The following CAT variants were observed in gnomAD, a reference collection of about 807,000 sequenced individuals.
The protein encoded by CAT is epididymis secretory sperm binding protein.
CAT carries 43 observed loss-of-function variants against 59.0 expected under a neutral mutation model. The ratio of observed to expected loss-of-function variants is 0.73; its 90% CI spans 0.57 to 0.94. The LOEUF (loss-of-function observed/expected upper bound fraction) is 0.94. Ranked by LOEUF, CAT falls within the 40% of genes least tolerant of loss-of-function variation. CAT has a pLI of 0.00. For missense variants in CAT, 664 were observed against 682.9 expected (o/e 0.97, Z 0.31); for synonymous variants, 218 against 230.9 (o/e 0.94, Z 0.51).
chr11:34,443,221 C>T (rs1325369380), intron 1 of CAT, among the ~76,000 whole-genome samples: 6 of 152,114 alleles, frequency 3.9e-5, no homozygotes, highest in East Asian at 1.9e-4. Context: ...CTACTATAGG[C>T]GAACACTCTG....
intron 10 of CAT, among the ~76,000 whole-genome samples, chr11:34,466,780 CAA>C (rs71457350): frequency 9.7e-5 from 4 of 41,146 alleles, no homozygotes; most frequent in African/African-American, 2.9e-4. Flanking sequence ...GACTCCGTCT[CAA>C]AAAAAAAAAA....
chr11:34,439,554 C>T (rs1856361442), intron 1 of CAT, among the ~76,000 whole-genome samples: 1 of 152,198 alleles, frequency 6.6e-6, no homozygotes, highest in South Asian at 2.1e-4. Flanking sequence ...GCACCAGTCA[C>T]AGTGACTGGT....
chr11:34,439,114 C>T, intron 1 of CAT, 35 bp downstream of exon 1: 1 of 1,555,234 alleles, frequency 6.4e-7, no homozygotes, highest in Non-Finnish European at 8.7e-7. Context: ...GCCCGAAGGT[C>T]CGTTTAGAAA....
rs777082279 is a variant in CAT at position 34,449,373 on chromosome 11, G to T, written c.238+10G>T. On this transcript the variant is annotated intron_variant, in intron 2 of 12. Transcript: ENST00000241052. Reference sequence around the variant, plus strand: ...CATGCTAAAGGAGCAGGTAAGTGCTGTGTTTATTTGCTGTAAAAAGATTGT... The same window carrying T: ...CATGCTAAAGGAGCAGGTAAGTGCTTTGTTTATTTGCTGTAAAAAGATTGT... 1.9e-6 allele frequency: 3 copies of T among 1,612,296 alleles called. No homozygotes were observed. Among genetic ancestry groups the T allele is most frequent in the African/African-American group, 1.3e-5 (1 of 74,882 alleles).
intron 9 of CAT, among the ~76,000 whole-genome samples, chr11:34,462,273 T>C (rs929828504): frequency 2.0e-5 from 3 of 152,158 alleles, no homozygotes; most frequent in Non-Finnish European, 4.4e-5. Context: ...CACAGATGTC[T>C]ATATTCAAAC....
At position 34,456,697 on chromosome 11, in the gene CAT, A is replaced by G. The variant is rs1186523137; in HGVS notation, c.936A>G (p.Pro312=). 2 of 1,614,158 alleles carry G rather than the reference A, an allele frequency of 1.2e-6. No individual in the cohort carries two copies. Among genetic ancestry groups the G allele is most frequent in the South Asian group, 1.1e-5 (1 of 91,086 alleles). ...CTCACAAGGACTACCCTCTCATCCCAGTTGGTAAACTGGTCTTAAACCGGA... is the reference window on the plus strand; with the variant it reads ...CTCACAAGGACTACCCTCTCATCCCGGTTGGTAAACTGGTCTTAAACCGGA... ...VWPHKDYPLI[P]VGKLVLNRNP... is the part of the protein sequence containing the mutation. The change falls in exon 8 of 13, where the codon CCA becomes CCG. Residue 312 remains proline (P), a synonymous_variant. Transcript: ENST00000241052.
rs755744483 is a variant in CAT, at chr11:34,453,924, A to C, written c.709A>C (p.Lys237Gln). ...GGCAGTTTATTGCAAATTCCATTAT[A>C]AGGTATGTGTTACCTTTGGGGCAGA... ...GEAVYCKFHY[K>Q]TDQGIKNLSV... The change falls in exon 6 of 13, where the codon AAG (lysine) becomes CAG (glutamine). Residue 237 changes from lysine to glutamine, a missense_variant and splice_region_variant. Coordinates refer to ENST00000241052, the MANE Select transcript of CAT (RefSeq NM_001752.4). 13 of 1,613,858 alleles carry C rather than the reference A, an allele frequency of 8.1e-6. No homozygotes were observed. Among genetic ancestry groups the C allele is most frequent in the Admixed American group, 3.3e-5 (2 of 60,018 alleles).
intron 1 of CAT, among the ~76,000 whole-genome samples, chr11:34,444,270 T>G (rs564212375): frequency 6.6e-6 from 1 of 152,278 alleles, no homozygotes; most frequent in South Asian, 2.1e-4. Context: ...TATGATAATG[T>G]CAAGGTTGTT....
chr11:34,466,105 A>G (rs1041826096), intron 10 of CAT, among the ~76,000 whole-genome samples: 1 of 152,248 alleles, frequency 6.6e-6, no homozygotes, highest in Non-Finnish European at 1.5e-5. Context: ...CAAGGCTTTC[A>G]GTTGAAATCC....
intron 10 of CAT, among the ~76,000 whole-genome samples, chr11:34,465,321 G>T (rs184255376): frequency 1.3e-5 from 2 of 152,064 alleles, no homozygotes; most frequent in Non-Finnish European, 2.9e-5. Context: ...AAGCATTTAC[G>T]TATATACATA....
intron 9 of CAT, among the ~76,000 whole-genome samples, 194 bp from the exon 10 acceptor site, chr11:34,463,911 C>T (rs1856682034): frequency 1.3e-5 from 2 of 152,186 alleles, no homozygotes; most frequent in Admixed American, 1.3e-4. Flanking sequence ...TGGCAGCGTT[C>T]CCTAAGAATC....
At position 34,455,098 on chromosome 11, in the gene CAT, G is replaced by A. The variant is rs188981199; in HGVS notation, c.712-913G>A. 3.3e-5 allele frequency among the ~76,000 whole-genome samples: 5 copies of A among 152,306 alleles called. No homozygotes were observed. In the South Asian group the frequency reaches 1.0e-3, roughly 32 times the overall value. On this transcript the variant is annotated intron_variant, in intron 6 of 12. Transcript: ENST00000241052. ...ATTCAGTTAAAATCAGAAAGGTATT[G>A]CAGTGTTATTGTACTACTTAATATA...
chr11:34,465,797 C>T (rs372971344), intron 10 of CAT, among the ~76,000 whole-genome samples: 16 of 152,116 alleles, frequency 1.1e-4, no homozygotes, highest in Admixed American at 4.6e-4. Context: ...TCTTACTTAC[C>T]GTTTCATGGA....
At chr11:34,453,024 A>G in intron 4 of CAT, 66 bp from the exon 5 acceptor site, 1 of 926,378 alleles carries the variant, frequency 1.1e-6, no homozygotes, top group South Asian at 1.3e-5. Flanking sequence ...AGGCATATAT[A>G]ATGAAAGACA....
intron 9 of CAT, 36 bp from the exon 10 acceptor site, chr11:34,464,069 T>C (rs1303370630): frequency 6.2e-7 from 1 of 1,613,358 alleles, no homozygotes; most frequent in Admixed American, 1.7e-5. Flanking sequence ...TGACTTTTCT[T>C]ATTCCTAAGT....
chr11:34,457,058 G>A, intron 8 of CAT: 3 of 524,948 alleles, frequency 5.7e-6, no homozygotes, highest in East Asian at 3.3e-5. Flanking sequence ...GTGAAGACAA[G>A]AATACTTACT....
rs55741847 is a variant in CAT at position 34,456,231 on chromosome 11, C to A, written c.903+29C>A. 9.1e-5 allele frequency: 141 copies of A among 1,552,006 alleles called. No homozygotes were observed. In the East Asian group the frequency reaches 3.0e-3, roughly 33 times the overall value. ...AGTCAGTAAACAACTATATTGTTTT[C>A]TTTTTTAAGTCTCTTCTTACCTAAT... On this transcript the variant is annotated intron_variant, in intron 7 of 12. Coordinates refer to ENST00000241052, the MANE Select transcript of CAT (RefSeq NM_001752.4).
intron 1 of CAT, among the ~76,000 whole-genome samples, chr11:34,448,295 C>T (rs1446738333): frequency 1.3e-5 from 2 of 152,192 alleles, no homozygotes; most frequent in Admixed American, 6.5e-5. Context: ...GAGTTCCTCT[C>T]CCAGGTGGAG....
At chr11:34,444,415 C>T (rs1856425773) in intron 1 of CAT, among the ~76,000 whole-genome samples, 1 of 152,180 alleles carries the variant, frequency 6.6e-6, no homozygotes, top group Non-Finnish European at 1.5e-5. Flanking sequence ...GCTTTAGCTT[C>T]CACAGCAGTC....
Sources: gnomAD v4.1 joint callset for allele counts (sites outside exome capture counted in the v4.1 genomes callset) on GRCh38, gnomAD v4.1.1 for gene constraint, MANE v1.5 for transcripts, NCBI Gene and HGNC (gene_info 2026-07-23, HGNC 2026-07-21) for gene names.